RBMS1: variants seen among roughly 807,000 people sequenced by gnomAD.
RBMS1 encodes RNA-binding motif, single-stranded-interacting protein 1.
RBMS1 carries 17 observed loss-of-function variants against 62.3 expected under a neutral mutation model. The ratio of observed to expected loss-of-function variants is 0.27; its 90% CI spans 0.19 to 0.41. RBMS1 has a LOEUF of 0.41. RBMS1 is among the 10% of genes least tolerant of loss of function. The pLI, the probability that RBMS1 is intolerant of heterozygous loss-of-function variation, is 1.00. For synonymous variants in RBMS1, 172 were observed against 170.0 expected, an observed-to-expected ratio of 1.01 and a Z score of -0.09; for missense variants, 334 against 504.5, an observed-to-expected ratio of 0.66 and a Z score of 3.24.
At chr2:160,361,646 G>A (rs1159285843) in intron 2 of RBMS1, among the ~76,000 whole-genome samples, 1 of 152,130 alleles carries the variant, frequency 6.6e-6, no homozygotes, top group African/African-American at 2.4e-5. Context: ...AGCCCGGTGT[G>A]CATACCGTAA....
intron 1 of RBMS1, among the ~76,000 whole-genome samples, chr2:160,372,893 AG>A (rs1693801906): frequency 6.6e-6 from 1 of 152,184 alleles, no homozygotes; most frequent in Non-Finnish European, 1.5e-5. Flanking sequence ...AAAAACACAT[AG>A]CTACTAGATT....
intron 2 of RBMS1, among the ~76,000 whole-genome samples, chr2:160,322,679 A>C (rs947839525): frequency 5.9e-5 from 9 of 152,172 alleles, no homozygotes; most frequent in African/African-American, 2.2e-4. Context: ...TCCCTTTCCT[A>C]AAATATTCTT....
At chr2:160,458,447 T>C (rs774386236) in intron 1 of RBMS1, among the ~76,000 whole-genome samples, 4 of 152,184 alleles carry the variant, frequency 2.6e-5, no homozygotes, top group East Asian at 1.9e-4. Context: ...CTCAGATCTG[T>C]AGTAAAAATT....
chr2:160,455,707 G>A (rs1290612761), intron 1 of RBMS1, among the ~76,000 whole-genome samples: 8 of 130,720 alleles, frequency 6.1e-5, no homozygotes, highest in East Asian at 4.4e-4. Flanking sequence ...TTTTTGAGAC[G>A]GAGTCTCGCT....
chr2:160,370,261 A>T (rs1318509967), intron 1 of RBMS1, among the ~76,000 whole-genome samples: 1 of 152,230 alleles, frequency 6.6e-6, no homozygotes, highest in Admixed American at 6.5e-5. Flanking sequence ...TGAAAGAGAG[A>T]AGCGTTGAAT....
At chr2:160,474,092 A>G (rs1367071890) in intron 1 of RBMS1, among the ~76,000 whole-genome samples, 1 of 152,190 alleles carries the variant, frequency 6.6e-6, no homozygotes, top group East Asian at 1.9e-4. Context: ...CAAGAACTCA[A>G]TTAAATGAAC....
intron 1 of RBMS1, among the ~76,000 whole-genome samples, chr2:160,371,809 C>A (rs1693739043): frequency 6.6e-6 from 1 of 152,152 alleles, no homozygotes; most frequent in Non-Finnish European, 1.5e-5. Context: ...GCACTTCCTG[C>A]ATGGACAACA....
chr2:160,278,691 A>G, intron 10 of RBMS1, 33 bp from the exon 11 acceptor site: 1 of 1,360,626 alleles, frequency 7.3e-7, no homozygotes, highest in Middle Eastern at 1.8e-4. Context: ...AAAATTAGAC[A>G]AACTGAGGCA....
intron 6 of RBMS1, among the ~76,000 whole-genome samples, chr2:160,288,046 A>AG (rs1241308088): frequency 1.0e-5 from 1 of 99,762 alleles, no homozygotes; most frequent in Non-Finnish European, 2.5e-5. Flanking sequence ...ATTAGAGTTA[A>AG]AAAAAAAAAA....
intron 1 of RBMS1, among the ~76,000 whole-genome samples, chr2:160,451,629 G>T (rs1201893374): frequency 2.6e-5 from 4 of 151,450 alleles, no homozygotes; most frequent in Admixed American, 6.6e-5. Context: ...TTATTTTTTT[G>T]ACAGAGTCTT....
rs903118037 is a variant in RBMS1, at chr2:160,272,816, C to T, written c.*1956G>A. Reference sequence around the variant, plus strand: ...TATGTAATTTTCACTAGAATCTACACTTCTCAGAGCAGCAAGGACTTTTGA... The same window carrying T: ...TATGTAATTTTCACTAGAATCTACATTTCTCAGAGCAGCAAGGACTTTTGA... On this transcript the variant is annotated 3_prime_UTR_variant, in exon 14 of 14. Transcript: ENST00000348849. 1 of 152,246 alleles carries T rather than the reference C, an allele frequency of 6.6e-6. No individual in the cohort carries two copies. The highest frequency in any genetic ancestry group is 1.5e-5 in the Non-Finnish European group (1 of 68,046). The allele number at this position is 152,246 out of a possible 1,614,324, so 9.4% of individuals were successfully genotyped here.
At chr2:160,394,678 T>C (rs1186493277) in intron 1 of RBMS1, among the ~76,000 whole-genome samples, 2 of 152,248 alleles carry the variant, frequency 1.3e-5, no homozygotes, top group Non-Finnish European at 2.9e-5. Context: ...TTACTATTGC[T>C]AAAGGCCTAC....
chr2:160,438,192 G>T (rs72976734), intron 1 of RBMS1, among the ~76,000 whole-genome samples: 32,905 of 151,756 alleles, frequency 0.22, 3,897 homozygotes, highest in African/African-American at 0.3. Context: ...ACTCCATAGG[G>T]GAATCAAGTT....
chr2:160,321,208 C>G (rs897206589), intron 2 of RBMS1, among the ~76,000 whole-genome samples: 1 of 152,134 alleles, frequency 6.6e-6, no homozygotes, highest in African/African-American at 2.4e-5. Flanking sequence ...CCATGCCACA[C>G]CCTCTCTCAG....
intron 1 of RBMS1, among the ~76,000 whole-genome samples, chr2:160,478,522 T>A (rs6759031): frequency 0.15 from 22,219 of 152,206 alleles, 1,689 homozygotes; most frequent in East Asian, 0.24. Context: ...CTGATAGCTT[T>A]AGTTTAAATT....
At chr2:160,452,713 A>G (rs182162913) in intron 1 of RBMS1, among the ~76,000 whole-genome samples, 94 of 152,322 alleles carry the variant, frequency 6.2e-4, no homozygotes, top group African/African-American at 2.2e-3. Flanking sequence ...TGCTTGTACC[A>G]CGTAATCACA....
chr2:160,358,345 C>T (rs1559438677), intron 2 of RBMS1, among the ~76,000 whole-genome samples: 1 of 152,112 alleles, frequency 6.6e-6, no homozygotes, highest in Non-Finnish European at 1.5e-5. Flanking sequence ...TTCCTTTTTA[C>T]GATGGGACAA....
chr2:160,386,331 T>C (rs563052279), intron 1 of RBMS1, among the ~76,000 whole-genome samples: 2 of 152,116 alleles, frequency 1.3e-5, no homozygotes, highest in African/African-American at 4.8e-5. Context: ...AGGTCAAGAG[T>C]TCGAGACCAG....
chr2:160,445,420 T>C (rs1312441978), intron 1 of RBMS1, among the ~76,000 whole-genome samples: 1 of 152,262 alleles, frequency 6.6e-6, no homozygotes, highest in Non-Finnish European at 1.5e-5. Flanking sequence ...ACAGTGTTCC[T>C]GATTTATTAA....
Sources: allele counts gnomAD v4.1 joint callset (sites outside exome capture counted in the v4.1 genomes callset), GRCh38; gene constraint gnomAD v4.1.1; transcripts MANE v1.5; gene names NCBI Gene and HGNC (gene_info 2026-07-23, HGNC 2026-07-21).